Variants in RNF220 observed in about 807,000 individuals in gnomAD.
RNF220 encodes ring finger protein 220, also known as E3 ubiquitin-protein ligase RNF220.
RNF220 carries 7 observed loss-of-function variants against 67.1 expected under a neutral mutation model. The ratio of observed to expected loss-of-function variants is 0.10; its 90% confidence interval spans 0.06 to 0.20. The LOEUF is 0.20. Ranked by LOEUF, RNF220 falls within the 10% of genes least tolerant of loss-of-function variation. The pLI is 1.00. For synonymous variants in RNF220, 270 were observed against 283.2 expected, an observed-to-expected ratio of 0.95 and a Z score of 0.47; for missense variants, 565 against 740.3, an observed-to-expected ratio of 0.76 and a Z score of 2.75.
At chr1:44,459,182 G>A (rs1156533318) in intron 2 of RNF220, among the ~76,000 whole-genome samples, 1 of 141,158 alleles carries the variant, frequency 7.1e-6, no homozygotes, top group African/African-American at 2.6e-5. Context: ...GATTCTTTTG[G>A]TGGGTTTTTT....
At chr1:44,499,644 C>T (rs1657651582) in intron 2 of RNF220, among the ~76,000 whole-genome samples, 1 of 151,956 alleles carries the variant, frequency 6.6e-6, no homozygotes, top group Non-Finnish European at 1.5e-5. Flanking sequence ...ACTACCTTCC[C>T]AGGTGATCCC....
intron 2 of RNF220, among the ~76,000 whole-genome samples, chr1:44,610,074 C>T (rs1410531608): frequency 2.0e-5 from 3 of 152,170 alleles, no homozygotes; most frequent in Non-Finnish European, 2.9e-5. Context: ...GGCAGGCACT[C>T]CGCGACTGGG....
chr1:44,633,248 G>A (rs1221928747), intron 6 of RNF220, among the ~76,000 whole-genome samples: 3 of 152,214 alleles, frequency 2.0e-5, no homozygotes, highest in East Asian at 1.9e-4. Flanking sequence ...TCTGAGAAGA[G>A]TATTACACAC....
chr1:44,611,775 AT>A (rs1643322160), intron 2 of RNF220, among the ~76,000 whole-genome samples: 2 of 152,078 alleles, frequency 1.3e-5, no homozygotes, highest in Admixed American at 6.5e-5. Flanking sequence ...GATGCATTAT[AT>A]TTATCTCTGA....
chr1:44,448,718 G>A (rs1195065404), intron 2 of RNF220, among the ~76,000 whole-genome samples: 1 of 152,158 alleles, frequency 6.6e-6, no homozygotes, highest in Non-Finnish European at 1.5e-5. Context: ...TTAGTGTCTC[G>A]CCCTTGCCCT....
In RNF220 at chr1:44,614,280, A is replaced by G. The variant is rs771560623; in HGVS notation, c.741A>G (p.Leu247=). ...ATATGGAGCAGGAACTGGAGCAGCT[A>G]GCCCAACTGCCCTCGAGGTAAGCCA... is the stretch of plus-strand genomic sequence containing the variant. ...QEHMEQELEQ[L]AQLPSSKNSL... is the part of the protein sequence containing the mutation. The change falls in exon 3 of 15, where the codon CTA becomes CTG. Residue 247 remains leucine (L), a synonymous_variant. Coordinates refer to ENST00000361799, the MANE Select transcript of RNF220 (RefSeq NM_018150.4). 5.0e-6 allele frequency: 8 copies of G among 1,614,008 alleles called. 1 individual carries two copies. In the South Asian group the frequency reaches 7.7e-5, roughly 16 times the overall value.
chr1:44,636,014 G>C lies in RNF220; in HGVS notation c.994-16G>C. The C allele has an allele frequency of 1.2e-6, 2 of 1,614,180 alleles. No individual in the cohort carries two copies. Among genetic ancestry groups the C allele is most frequent in the Non-Finnish European group, 8.5e-7 (1 of 1,180,006 alleles). ...GATGGCCTGGGCCCAGCATGATCCTGCTCTGCTCTTCACAGAGGGAAGGCT... is the reference window on the plus strand; with the variant it reads ...GATGGCCTGGGCCCAGCATGATCCTCCTCTGCTCTTCACAGAGGGAAGGCT... On this transcript the variant is annotated splice_polypyrimidine_tract_variant and intron_variant, in intron 7 of 14. Transcript: ENST00000361799.
At position 44,651,469 on chromosome 1, in the gene RNF220, T is replaced by C. The variant is rs1055401980; in HGVS notation, c.*694T>C. On this transcript the variant is annotated 3_prime_UTR_variant, in exon 15 of 15. Transcript: ENST00000361799. ...GGGCTCTTTATAAGGAGTTGGGGGGTAGAGGCAGGAAATGGGAACCGAGCT... is the reference window on the plus strand; with the variant it reads ...GGGCTCTTTATAAGGAGTTGGGGGGCAGAGGCAGGAAATGGGAACCGAGCT... The C allele has an allele frequency of 2.0e-5, 3 of 152,518 alleles. No individual in the cohort carries two copies. Among genetic ancestry groups the C allele is most frequent in the African/African-American group, 7.3e-5 (3 of 41,272 alleles). 9.4% of individuals were successfully genotyped at this position (152,518 alleles called of 1,614,324 possible).
At chr1:44,572,648 A>T (rs1037791189) in intron 2 of RNF220, among the ~76,000 whole-genome samples, 1 of 150,506 alleles carries the variant, frequency 6.6e-6, no homozygotes, top group Non-Finnish European at 1.5e-5. Context: ...CAGCAGCAAG[A>T]CCAGCCATTC....
intron 2 of RNF220, among the ~76,000 whole-genome samples, chr1:44,474,671 C>T (rs565512369): frequency 2.1e-5 from 3 of 146,220 alleles, no homozygotes; most frequent in East Asian, 2.1e-4. Context: ...ATCACACCAT[C>T]GCACTCCAGC....
intron 7 of RNF220, 51 bp downstream of exon 7, chr1:44,635,639 T>C (rs746013961): frequency 1.2e-6 from 2 of 1,614,080 alleles, no homozygotes; most frequent in South Asian, 1.1e-5. Context: ...AGGAGATGAG[T>C]AGGCATGTGG....
At chr1:44,508,015 G>C (rs1489119914) in intron 2 of RNF220, among the ~76,000 whole-genome samples, 5 of 152,122 alleles carry the variant, frequency 3.3e-5, no homozygotes, top group African/African-American at 9.7e-5. Context: ...GCTGGGGTAG[G>C]ATCCACTGGA....
At chr1:44,523,215 T>C (rs1415632097) in intron 2 of RNF220, among the ~76,000 whole-genome samples, 1 of 152,198 alleles carries the variant, frequency 6.6e-6, no homozygotes, top group Non-Finnish European at 1.5e-5. Context: ...TCATCTGCAC[T>C]GGGCTGATGG....
At chr1:44,643,406 TAGAG>T (rs1644542402) in intron 8 of RNF220, 1 of 152,132 alleles carries the variant, frequency 6.6e-6, no homozygotes, top group Non-Finnish European at 1.5e-5. Flanking sequence ...AGTGAATTAG[TAGAG>T]AGCAAGAGTA....
At chr1:44,501,220 G>A (rs1050032610) in intron 2 of RNF220, among the ~76,000 whole-genome samples, 23 of 150,964 alleles carry the variant, frequency 1.5e-4, no homozygotes, top group African/African-American at 5.6e-4. Context: ...GGGGTGGGGA[G>A]TGGGAAGGGT....
intron 2 of RNF220, among the ~76,000 whole-genome samples, chr1:44,486,627 A>T (rs1279415301): frequency 1.3e-5 from 2 of 152,298 alleles, no homozygotes; most frequent in East Asian, 1.9e-4. Flanking sequence ...GTCTTCAGCA[A>T]TACCTACCTA....
intron 2 of RNF220, among the ~76,000 whole-genome samples, chr1:44,590,496 T>G (rs1178032781): frequency 1.3e-5 from 2 of 152,220 alleles, no homozygotes; most frequent in African/African-American, 4.8e-5. Flanking sequence ...TGGCTTTATA[T>G]GTAGGGCCCT....
chr1:44,427,786 G>A (rs1432302526), intron 2 of RNF220, among the ~76,000 whole-genome samples: 1 of 152,160 alleles, frequency 6.6e-6, no homozygotes, highest in African/African-American at 2.4e-5. Context: ...TGAGTTAATA[G>A]AAAATACAAA....
chr1:44,549,750 G>A (rs970391289), intron 2 of RNF220, among the ~76,000 whole-genome samples: 3 of 152,152 alleles, frequency 2.0e-5, no homozygotes, highest in Non-Finnish European at 4.4e-5. Context: ...AGGTAAACAC[G>A]CCAAGCTGCA....
Sources: gnomAD v4.1 joint callset for allele counts (sites outside exome capture counted in the v4.1 genomes callset) on GRCh38, gnomAD v4.1.1 for gene constraint, MANE v1.5 for transcripts, NCBI Gene and HGNC (gene_info 2026-07-23, HGNC 2026-07-21) for gene names.